The following NCOA2 variants were observed in gnomAD, a reference collection of about 807,000 sequenced individuals.
The protein encoded by NCOA2 is nuclear receptor coactivator 2.
A neutral mutation model predicts 145.1 loss-of-function variants in NCOA2; 21 were observed. The observed-to-expected ratio is 0.14, with a 90% CI of 0.10 to 0.21. The LOEUF (loss-of-function observed/expected upper bound fraction) is 0.21, where lower values mean the gene tolerates loss of function less well. Ranked by LOEUF, NCOA2 falls within the 10% of genes least tolerant of loss-of-function variation. The pLI, the probability that NCOA2 is intolerant of heterozygous loss-of-function variation, is 1.00. For missense variants in NCOA2, 1,472 were observed against 1,837.6 expected (o/e 0.80, Z 3.64); for synonymous variants, 619 against 637.5 (o/e 0.97, Z 0.44).
intron 2 of NCOA2, among the ~76,000 whole-genome samples, chr8:70,228,004 C>CA (rs34992637): frequency 0.74 from 83,123 of 112,056 alleles, 30,094 homozygotes; most frequent in Non-Finnish European, 0.79. Flanking sequence ...GACTCCATCT[C>CA]AAAAAAAAAA....
intron 1 of NCOA2, among the ~76,000 whole-genome samples, chr8:70,308,434 G>GGT (rs370382965): frequency 1.7e-3 from 257 of 151,616 alleles, no homozygotes; most frequent in South Asian, 3.5e-3. Context: ...TATGAAATGA[G>GGT]GTGTGTGTGT....
At chr8:70,278,298 T>C (rs1188367504) in intron 2 of NCOA2, among the ~76,000 whole-genome samples, 2 of 152,252 alleles carry the variant, frequency 1.3e-5, no homozygotes, top group South Asian at 2.1e-4. Flanking sequence ...GTTTTACTTA[T>C]CCATTCATCA....
chr8:70,451,713 A>T, the NCOA2 span, among the ~76,000 whole-genome samples: 1 of 152,230 alleles, frequency 6.6e-6, no homozygotes, highest in East Asian at 1.9e-4. Context: ...AATAACATTC[A>T]TTCTTCAACC....
intron 1 of NCOA2, among the ~76,000 whole-genome samples, chr8:70,356,624 T>C (rs1809720539): frequency 6.6e-6 from 1 of 152,230 alleles, no homozygotes; most frequent in African/African-American, 2.4e-5. Flanking sequence ...AAATTCCTGA[T>C]TAACCCTTTA....
At chr8:70,275,842 G>A (rs1436696876) in intron 2 of NCOA2, among the ~76,000 whole-genome samples, 1 of 152,174 alleles carries the variant, frequency 6.6e-6, no homozygotes, top group African/African-American at 2.4e-5. Flanking sequence ...TTGTGTCATA[G>A]ATATATAGAT....
In NCOA2 at chr8:70,156,380, G is replaced by A. The variant is rs757354482; in HGVS notation, c.1985C>T (p.Ser662Leu). 39 of 1,613,798 alleles carry A rather than the reference G, an allele frequency of 2.4e-5. No homozygotes were observed. The highest frequency in any genetic ancestry group is 3.3e-5 in the South Asian group (3 of 91,074). Residue 662 changes from serine to leucine, a missense_variant, in exon 11 of 23, where the codon TCG becomes TTG. Physicochemically the swap from Ser to Leu is moderately radical, Grantham distance 145. Around this residue, in one of 4 missense-constraint regions of NCOA2, gnomAD observed 953 missense variants for 1,062.1 expected, o/e 0.90. Transcript: ENST00000452400. ...MEPSPLASSL[S>L]DTNKDSTGSL... ...ACCTGTGGAGTCTTTGTTTGTATCC[G>A]ACAAAGAGCTGGCTAAGGGCGAGGG...
chr8:70,360,686 C>G (rs975066196), intron 1 of NCOA2, among the ~76,000 whole-genome samples: 15 of 151,960 alleles, frequency 9.9e-5, no homozygotes, highest in Admixed American at 7.2e-4. Context: ...GATTGTAATC[C>G]CAGCACTTTG....
At chr8:70,378,743 T>TA (rs10672044) in intron 1 of NCOA2, among the ~76,000 whole-genome samples, 5,944 of 109,754 alleles carry the variant, frequency 0.054, 207 homozygotes, top group African/African-American at 0.091. Flanking sequence ...TAGGCTATGC[T>TA]AAAAAAAAAA....
chr8:70,163,913 G>A (rs937743009), intron 7 of NCOA2, among the ~76,000 whole-genome samples: 1 of 152,124 alleles, frequency 6.6e-6, no homozygotes, highest in Non-Finnish European at 1.5e-5. Flanking sequence ...TTTTTAAATG[G>A]CTGATAGAAA....
chr8:70,158,337 T>C (rs1812513499), intron 10 of NCOA2, among the ~76,000 whole-genome samples: 2 of 152,206 alleles, frequency 1.3e-5, no homozygotes, highest in African/African-American at 4.8e-5. Context: ...ACTAATGAAA[T>C]TTAATCATTT....
At chr8:70,374,913 T>C (rs1811539355) in intron 1 of NCOA2, among the ~76,000 whole-genome samples, 1 of 152,060 alleles carries the variant, frequency 6.6e-6, no homozygotes, top group Admixed American at 6.5e-5. Flanking sequence ...ATCTATATTT[T>C]CCAATGTTTC....
intron 6 of NCOA2, among the ~76,000 whole-genome samples, 154 bp downstream of exon 6, chr8:70,170,048 C>T (rs1814063584): frequency 6.6e-6 from 1 of 152,046 alleles, no homozygotes; most frequent in Non-Finnish European, 1.5e-5. Flanking sequence ...TAAGCTTAAA[C>T]ACACAAGCAT....
At chr8:70,366,160 C>A (rs1278377331) in intron 1 of NCOA2, among the ~76,000 whole-genome samples, 1 of 152,214 alleles carries the variant, frequency 6.6e-6, no homozygotes, top group East Asian at 1.9e-4. Context: ...AAGCCTGAAT[C>A]TAGGCCAATT....
chr8:70,141,943 T>C (rs565159103), intron 13 of NCOA2, among the ~76,000 whole-genome samples: 6 of 152,362 alleles, frequency 3.9e-5, no homozygotes, highest in African/African-American at 1.4e-4. Flanking sequence ...ATATTTACTG[T>C]AGTTCTTCAT....
chr8:70,221,506 T>C (rs1488660170), intron 2 of NCOA2, among the ~76,000 whole-genome samples: 1 of 152,138 alleles, frequency 6.6e-6, no homozygotes, highest in Non-Finnish European at 1.5e-5. Context: ...AATGCTTCAA[T>C]AAACAAAATG....
intron 22 of NCOA2, among the ~76,000 whole-genome samples, chr8:70,120,363 G>A (rs1257755889): frequency 6.6e-6 from 1 of 152,206 alleles, no homozygotes; most frequent in African/African-American, 2.4e-5. Context: ...TTTCAATTAC[G>A]TCTAAGTACT....
intron 2 of NCOA2, chr8:70,273,440 A>T: frequency 1.5e-6 from 1 of 653,560 alleles, no homozygotes; most frequent in Non-Finnish European, 2.5e-6. Context: ...CATTGGTGGA[A>T]CTGCTCACAG....
intron 1 of NCOA2, among the ~76,000 whole-genome samples, chr8:70,395,677 T>C (rs939758351): frequency 6.6e-6 from 1 of 152,192 alleles, no homozygotes; most frequent in Non-Finnish European, 1.5e-5. Context: ...GGGAAATTGT[T>C]TCATATTTAA....
At chr8:70,228,809 A>G (rs1014612093) in intron 2 of NCOA2, among the ~76,000 whole-genome samples, 1 of 152,248 alleles carries the variant, frequency 6.6e-6, no homozygotes, top group Non-Finnish European at 1.5e-5. Context: ...ACAGCTAGCT[A>G]TATTATATTC....
Sources: gnomAD v4.1 joint callset for allele counts (sites outside exome capture counted in the v4.1 genomes callset) on GRCh38, gnomAD v4.1.1 for gene constraint, gnomAD v4.1.1 regional missense constraint, MANE v1.5 for transcripts, NCBI Gene and HGNC (gene_info 2026-07-23, HGNC 2026-07-21) for gene names.